The following MYO5B variants were observed in gnomAD, a reference collection of about 807,000 sequenced individuals.
MYO5B encodes the protein myosin VB.
MYO5B carries 143 observed loss-of-function variants against 229.3 expected under a neutral mutation model. That is an observed-to-expected ratio of 0.62 (90% CI 0.54 to 0.72). The LOEUF is 0.72. Ranked by LOEUF, MYO5B falls within the 30% of genes least tolerant of loss-of-function variation. MYO5B has a pLI of 0.00. For missense variants in MYO5B, 2,321 were observed against 2,331.0 expected (o/e 1.00, Z 0.09); for synonymous variants, 918 against 885.2 (o/e 1.04, Z -0.66).
At chr18:49,974,810 C>G (rs142727807) in intron 9 of MYO5B, among the ~76,000 whole-genome samples, 195 bp from the exon 10 acceptor site, 5,122 of 151,314 alleles carry the variant, frequency 0.034, 315 homozygotes, top group African/African-American at 0.12. Flanking sequence ...CACACACACA[C>G]ACACACACAC....
intron 22 of MYO5B, among the ~76,000 whole-genome samples, chr18:49,880,701 T>C (rs1270814688): frequency 6.6e-6 from 1 of 152,214 alleles, no homozygotes; most frequent in Non-Finnish European, 1.5e-5. Context: ...GAAAAGTCTA[T>C]CACAAGCTCA....
chr18:49,936,675 G>A (rs1034838530), intron 15 of MYO5B, among the ~76,000 whole-genome samples: 22 of 152,216 alleles, frequency 1.4e-4, no homozygotes, highest in African/African-American at 4.1e-4. Flanking sequence ...ACTGTGCACC[G>A]GAAGCCTGCT....
chr18:50,029,599 T>C (rs1314211829), intron 4 of MYO5B, among the ~76,000 whole-genome samples: 2 of 152,158 alleles, frequency 1.3e-5, no homozygotes, highest in African/African-American at 4.8e-5. Flanking sequence ...GATTCCACCA[T>C]TCACTGTACT....
At chr18:50,031,749 ATAT>A (rs1362802790) in intron 4 of MYO5B, among the ~76,000 whole-genome samples, 1 of 152,232 alleles carries the variant, frequency 6.6e-6, no homozygotes, top group East Asian at 1.9e-4. Context: ...CTCTTGTATC[ATAT>A]TATTTCCTTA....
chr18:49,848,699 T>G (rs1201130097), intron 32 of MYO5B, among the ~76,000 whole-genome samples: 1 of 144,564 alleles, frequency 6.9e-6, no homozygotes, highest in East Asian at 2.0e-4. Flanking sequence ...AAAGAGGGAG[T>G]GATAGGTCTT....
At chr18:50,023,633 T>G (rs1346256086) in intron 4 of MYO5B, among the ~76,000 whole-genome samples, 1 of 152,116 alleles carries the variant, frequency 6.6e-6, no homozygotes, top group Non-Finnish European at 1.5e-5. Context: ...AACTATCACA[T>G]GAAGAATGCT....
intron 12 of MYO5B, 152 bp downstream of exon 12, chr18:49,962,114 T>C (rs972501938): frequency 2.1e-6 from 2 of 962,230 alleles, no homozygotes; most frequent in Non-Finnish European, 3.3e-6. Context: ...CACAGAATGG[T>C]ACATGCTTCT....
chr18:49,991,086 G>T lies in MYO5B; in HGVS notation c.757-566C>A, dbSNP rs138470022. On this transcript the variant is annotated intron_variant, in intron 6 of 39. Transcript: ENST00000285039. Reference sequence around the variant, plus strand: ...TGAGCGAAGAGAGCTAAGGAAGAGGGAAGCTCCAGGGGTGTCCAGGAAAGA... The same window carrying T: ...TGAGCGAAGAGAGCTAAGGAAGAGGTAAGCTCCAGGGGTGTCCAGGAAAGA... Among the ~76,000 whole-genome samples, 1,443 of 152,266 alleles carry T rather than the reference G, an allele frequency of 9.5e-3. 23 individuals carry two copies. The highest frequency in any genetic ancestry group is 0.034 in the African/African-American group (1,395 of 41,540).
intron 3 of MYO5B, 61 bp from the exon 4 acceptor site, chr18:50,037,055 C>G: frequency 1.9e-6 from 3 of 1,596,830 alleles, no homozygotes; most frequent in Admixed American, 1.7e-5. Flanking sequence ...ATTATTAGCT[C>G]AAGGCACCCA....
intron 1 of MYO5B, among the ~76,000 whole-genome samples, chr18:50,178,764 A>G (rs1439679857): frequency 1.3e-5 from 2 of 152,154 alleles, no homozygotes; most frequent in African/African-American, 4.8e-5. Flanking sequence ...TGTGAGTGCA[A>G]TTCAGATGGA....
chr18:49,943,428 G>A (rs1047758289), intron 14 of MYO5B, among the ~76,000 whole-genome samples: 1 of 152,038 alleles, frequency 6.6e-6, no homozygotes, highest in African/African-American at 2.4e-5. Flanking sequence ...CTTTTTAGAT[G>A]GCAAGGTAAC....
At chr18:50,125,845 C>T (rs1599039795) in intron 1 of MYO5B, among the ~76,000 whole-genome samples, 1 of 151,982 alleles carries the variant, frequency 6.6e-6, no homozygotes, top group Non-Finnish European at 1.5e-5. Context: ...GAAATTCTAA[C>T]ACATACTATC....
At chr18:49,866,522 T>C (rs1466422658) in intron 27 of MYO5B, among the ~76,000 whole-genome samples, 1 of 152,250 alleles carries the variant, frequency 6.6e-6, no homozygotes, top group Non-Finnish European at 1.5e-5. Flanking sequence ...GCTCCTCATC[T>C]GCTGCAACCA....
chr18:50,024,694 G>A (rs1179062935), intron 4 of MYO5B, among the ~76,000 whole-genome samples: 2 of 152,164 alleles, frequency 1.3e-5, no homozygotes, highest in Non-Finnish European at 2.9e-5. Flanking sequence ...CCTGTCCACT[G>A]TGGTTCTAAA....
rs76449423 is a variant in MYO5B, at chr18:49,967,624, C to T, written c.1323-4594G>A. 5.3e-3 allele frequency among the ~76,000 whole-genome samples: 812 copies of T among 152,238 alleles called. 5 individuals are homozygous for T. The highest frequency in any genetic ancestry group is 0.017 in the African/African-American group (708 of 41,512). On this transcript the variant is annotated intron_variant, in intron 10 of 39. Coordinates refer to ENST00000285039, the MANE Select transcript of MYO5B (RefSeq NM_001080467.3). Reference sequence around the variant, plus strand: ...CATGGAGAAATTCTCCCTGGAGAAGCCTTTAAAAGCAGGGCCATCATGCAT... The same window carrying T: ...CATGGAGAAATTCTCCCTGGAGAAGTCTTTAAAAGCAGGGCCATCATGCAT...
At chr18:49,856,567 C>T (rs1388734912) in intron 30 of MYO5B, among the ~76,000 whole-genome samples, 2 of 152,218 alleles carry the variant, frequency 1.3e-5, no homozygotes, top group African/African-American at 4.8e-5. Context: ...ACCTATAGAA[C>T]AAGTAGGCTG....
rs925774656 is a variant in MYO5B, at chr18:49,864,202, A to C, written c.3782T>G (p.Val1261Gly). 4 of 1,613,340 alleles carry C rather than the reference A, an allele frequency of 2.5e-6. No individual in the cohort carries two copies. The highest frequency in any genetic ancestry group is 3.4e-6 in the Non-Finnish European group (4 of 1,180,022). ...CACGATCTGGGTCCTGAGGATGAGCACCTCCTCCTTGCGCACCTCGAGCTC... is the reference window on the plus strand; with the variant it reads ...CACGATCTGGGTCCTGAGGATGAGCCCCTCCTCCTTGCGCACCTCGAGCTC... ...HEELEVRKEE[V>G]LILRTQIVSA... The change falls in exon 28 of 40, where the codon GTG becomes GGG. Residue 1261 changes from valine (V) to glycine (G), a missense_variant. Transcript: ENST00000285039.
chr18:50,036,094 T>C (rs57541424), intron 4 of MYO5B, among the ~76,000 whole-genome samples: 23,526 of 152,184 alleles, frequency 0.15, 1,919 homozygotes, highest in South Asian at 0.23. Context: ...TTGCTATATG[T>C]TGCCAGCTCC....
chr18:50,080,599 C>T (rs942118246), intron 1 of MYO5B, among the ~76,000 whole-genome samples: 3 of 152,130 alleles, frequency 2.0e-5, no homozygotes, highest in African/African-American at 7.2e-5. Flanking sequence ...GAAGCCTCCT[C>T]AAGTATTAGC....
Sources: allele counts gnomAD v4.1 joint callset (sites outside exome capture counted in the v4.1 genomes callset), GRCh38; gene constraint gnomAD v4.1.1; transcripts MANE v1.5; gene names NCBI Gene and HGNC (gene_info 2026-07-23, HGNC 2026-07-21).